Variants in RAD50 observed in about 807,000 individuals in gnomAD.
RAD50 encodes DNA repair protein RAD50.
A neutral mutation model predicts 168.8 loss-of-function variants in RAD50; 132 were observed. The ratio of observed to expected loss-of-function variants is 0.78; its 90% CI spans 0.68 to 0.90. The LOEUF is 0.90. RAD50 is among the 40% of genes least tolerant of loss of function. The pLI is 0.00. For missense variants in RAD50, 1,347 were observed against 1,534.4 expected, an observed-to-expected ratio of 0.88 and a Z score of 2.04; for synonymous variants, 525 against 497.4, an observed-to-expected ratio of 1.06 and a Z score of -0.74.
rs188085751 is a variant in RAD50, at chr5:132,626,518, A to G, written c.3389+8224A>G. Among the ~76,000 whole-genome samples, 57 of 152,352 alleles carry G rather than the reference A, an allele frequency of 3.7e-4. No homozygotes were observed. The East Asian group carries it at 0.01, about 28-fold the overall frequency. On this transcript the variant is annotated intron_variant, in intron 21 of 24. Transcript: ENST00000378823. Reference sequence around the variant, plus strand: ...ATTCAGTATAGAGTCAGAAAAGCTCAGAGGCGATTTAGTCCAGCTTCCTTT... The same window carrying G: ...ATTCAGTATAGAGTCAGAAAAGCTCGGAGGCGATTTAGTCCAGCTTCCTTT...
chr5:132,605,499 C>G (rs1240965851), intron 16 of RAD50, among the ~76,000 whole-genome samples: 1 of 152,162 alleles, frequency 6.6e-6, no homozygotes, highest in Non-Finnish European at 1.5e-5. Context: ...CACACACCAC[C>G]ACGCCTGGCT....
chr5:132,616,166 G>A (rs768629514), intron 20 of RAD50, 36 bp downstream of exon 20: 21 of 1,588,110 alleles, frequency 1.3e-5, no homozygotes, highest in Admixed American at 5.0e-5. Context: ...TTAAATAAAC[G>A]TCTTTATTAC....
intron 21 of RAD50, among the ~76,000 whole-genome samples, chr5:132,619,770 A>G (rs1190474189): frequency 7.3e-6 from 1 of 137,418 alleles, no homozygotes; most frequent in Non-Finnish European, 1.5e-5. Flanking sequence ...TTGTTAAGAA[A>G]TCCTTCCCTA....
Position 132,589,523 on chromosome 5 carries a change from G to A in RAD50, c.1246-108G>A, listed in dbSNP as rs185372398. ...AATATATCCCTGCTGAGCAACACACGACTGTACTTTTTTGTATTTTCTTCA... is the reference window on the plus strand; with the variant it reads ...AATATATCCCTGCTGAGCAACACACAACTGTACTTTTTTGTATTTTCTTCA... On this transcript the variant is annotated intron_variant, in intron 8 of 24. Transcript: ENST00000378823. The A allele has an allele frequency of 3.0e-4, 252 of 845,208 alleles. 2 individuals carry two copies. The East Asian group carries it at 3.7e-3, about 12-fold the overall frequency. The allele number at this position is 845,208 out of a possible 1,614,324, so 52.4% of individuals were successfully genotyped here.
In RAD50 at chr5:132,643,375, GA is replaced by G; in HGVS notation, c.*1013del. On this transcript the variant is annotated 3_prime_UTR_variant, in exon 25 of 25. Coordinates refer to ENST00000378823, the MANE Select transcript of RAD50 (RefSeq NM_005732.4). Reference sequence around the variant, plus strand: ...ATCTTGAATCCTTCCATTCCACACAGAATGCAACCAAGTCACACGCTTTTGA... The same window carrying G: ...ATCTTGAATCCTTCCATTCCACACAGATGCAACCAAGTCACACGCTTTTGA... 1 of 243,980 alleles carries G rather than the reference GA, an allele frequency of 4.1e-6. No individual in the cohort carries two copies. The highest frequency in any genetic ancestry group is 4.7e-5 in the Admixed American group (1 of 21,126). The allele number at this position is 243,980 out of a possible 1,614,324, so 15.1% of individuals were successfully genotyped here.
At position 132,643,414 on chromosome 5, in the gene RAD50, A is replaced by G. The variant is rs2149867796; in HGVS notation, c.*1050A>G. 4.3e-6 allele frequency: 1 copy of G among 234,032 alleles called. No homozygotes were observed. Among genetic ancestry groups the G allele is most frequent in the Middle Eastern group, 1.4e-3 (1 of 730 alleles). 14.5% of individuals were successfully genotyped at this position (234,032 alleles called of 1,614,324 possible). A position where few individuals can be genotyped will look rare whatever the true frequency, so the allele number is the denominator to read the frequency against. Reference sequence around the variant, plus strand: ...CACACGCTTTTGAATTATGCTTTGTAGAGTTTTGTCATTCAGAGTCAGCCA... The same window carrying G: ...CACACGCTTTTGAATTATGCTTTGTGGAGTTTTGTCATTCAGAGTCAGCCA... On this transcript the variant is annotated 3_prime_UTR_variant, in exon 25 of 25. Transcript: ENST00000378823.
At chr5:132,583,571 G>C in intron 5 of RAD50, among the ~76,000 whole-genome samples, 1 of 151,186 alleles carries the variant, frequency 6.6e-6, no homozygotes, top group Non-Finnish European at 1.5e-5. Flanking sequence ...CCACTAATTT[G>C]TTTTCTGTCA....
At chr5:132,597,088 T>A (rs1053382827) in intron 13 of RAD50, among the ~76,000 whole-genome samples, 1 of 152,166 alleles carries the variant, frequency 6.6e-6, no homozygotes, top group Non-Finnish European at 1.5e-5. Context: ...AGGGAGTTAG[T>A]GAAAGATGTA....
chr5:132,571,612 G>A (rs796344985), intron 2 of RAD50, among the ~76,000 whole-genome samples: 1 of 152,110 alleles, frequency 6.6e-6, no homozygotes, highest in Non-Finnish European at 1.5e-5. Context: ...CAGCTACTTG[G>A]GGGGCTGAGG....
intron 21 of RAD50, among the ~76,000 whole-genome samples, chr5:132,619,850 AT>A (rs1751251031): frequency 8.2e-6 from 1 of 121,840 alleles, no homozygotes; most frequent in African/African-American, 3.1e-5. Flanking sequence ...ATATATATAT[AT>A]AAAGATATAT....
At chr5:132,592,676 A>G in intron 11 of RAD50, 1 of 313,186 alleles carries the variant, frequency 3.2e-6, no homozygotes, top group South Asian at 2.7e-5. Flanking sequence ...TGTTGCCATG[A>G]CCTTTGCTCT....
At chr5:132,604,098 A>T in intron 15 of RAD50, 52 bp downstream of exon 15, 1 of 1,600,982 alleles carries the variant, frequency 6.2e-7, no homozygotes, top group Non-Finnish European at 8.6e-7. Flanking sequence ...CATTGCGAGC[A>T]CATGCCTTTT....
At chr5:132,572,208 T>C (rs1266786459) in intron 2 of RAD50, among the ~76,000 whole-genome samples, 1 of 152,184 alleles carries the variant, frequency 6.6e-6, no homozygotes, top group African/African-American at 2.4e-5. Context: ...GCATAACTAA[T>C]GGATGAATAG....
At position 132,635,604 on chromosome 5, in the gene RAD50, G is replaced by A. The variant is rs116420944; in HGVS notation, c.3390-1511G>A. Among the ~76,000 whole-genome samples the A allele has an allele frequency of 5.4e-3, 826 of 152,330 alleles. 4 individuals are homozygous for A. The highest frequency in any genetic ancestry group is 6.7e-3 in the Non-Finnish European group (457 of 68,022). ...ACCTGTGTTGTATAAGGGAGCCAAG[G>A]CAGACTGCACGTGTGCGCCTTGGCC... On this transcript the variant is annotated intron_variant, in intron 21 of 24. Transcript: ENST00000378823.
chr5:132,591,187 A>G, intron 9 of RAD50, 37 bp from the exon 10 acceptor site: 1 of 1,550,688 alleles, frequency 6.4e-7, no homozygotes, highest in Non-Finnish European at 8.9e-7. Flanking sequence ...TGCACAAAAT[A>G]TATAACACCT....
chr5:132,639,155 G>A (rs768657458), intron 23 of RAD50, among the ~76,000 whole-genome samples: 1 of 151,876 alleles, frequency 6.6e-6, no homozygotes, highest in Non-Finnish European at 1.5e-5. Context: ...TCAGGAGTTC[G>A]AGACCAGCCT....
rs769003601 is a variant in RAD50, at chr5:132,618,111, G to T, written c.3206G>T (p.Arg1069Ile). The T allele has an allele frequency of 5.0e-6, 8 of 1,613,478 alleles. No individual in the cohort carries two copies. The Admixed American group carries it at 1.2e-4, about 24-fold the overall frequency. The part of the protein sequence containing the change: ...KLEENIDNIK[R>I]NHNLALGRQK... Reference sequence around the variant, plus strand: ...GAAGAGAACATAGACAATATAAAAAGAAATCATAATTTGGCATTAGGGCGA... The same window carrying T: ...GAAGAGAACATAGACAATATAAAAATAAATCATAATTTGGCATTAGGGCGA... The change falls in exon 21 of 25, where the codon AGA becomes ATA. Residue 1069 changes from arginine (R) to isoleucine (I), a missense_variant. Physicochemically the swap from Arg to Ile is moderately conservative, Grantham distance 97. This residue lies in a region of RAD50 where 635 missense variants were observed against 739.2 expected (regional missense o/e 0.86). Coordinates refer to ENST00000378823, the MANE Select transcript of RAD50 (RefSeq NM_005732.4).
chr5:132,601,603 A>G (rs1038072155), intron 13 of RAD50, among the ~76,000 whole-genome samples: 1 of 152,190 alleles, frequency 6.6e-6, no homozygotes, highest in African/African-American at 2.4e-5. Context: ...GCATACCTTC[A>G]TATTTATTAT....
intron 14 of RAD50, 69 bp from the exon 15 acceptor site, chr5:132,603,851 A>G (rs1750931631): frequency 7.4e-7 from 1 of 1,351,904 alleles, no homozygotes; most frequent in South Asian, 1.3e-5. Context: ...GATAAGAGCA[A>G]TTAATTTTTA....
Sources: gnomAD v4.1 joint callset for allele counts (sites outside exome capture counted in the v4.1 genomes callset) on GRCh38, gnomAD v4.1.1 for gene constraint, gnomAD v4.1.1 regional missense constraint, MANE v1.5 for transcripts, NCBI Gene and HGNC (gene_info 2026-07-23, HGNC 2026-07-21) for gene names.